Variants in LRRFIP1 observed in about 807,000 individuals in gnomAD.
LRRFIP1 encodes the protein leucine-rich repeat flightless-interacting protein 1.
LRRFIP1 carries 62 observed loss-of-function variants against 104.4 expected under a neutral mutation model. The observed-to-expected ratio is 0.59, with a 90% CI of 0.48 to 0.73. The LOEUF (loss-of-function observed/expected upper bound fraction) is 0.73, where lower values mean the gene tolerates loss of function less well. LRRFIP1 is among the 30% of genes least tolerant of loss of function. The probability of loss-of-function intolerance (pLI) is 0.00; values close to 1 mark genes in which losing one functional copy is unlikely to be tolerated. For synonymous variants in LRRFIP1, 300 were observed against 299.0 expected (o/e 1.00, Z -0.03); for missense variants, 796 against 824.5 (o/e 0.97, Z 0.42).
At position 237,779,740 on chromosome 2, in the gene LRRFIP1, C is replaced by A. The variant is rs948186587; in HGVS notation, c.*208C>A. The A allele has an allele frequency of 2.5e-5, 12 of 470,806 alleles. No homozygotes were observed. Among genetic ancestry groups the A allele is most frequent in the Non-Finnish European group, 4.7e-5 (12 of 257,964 alleles). The allele number at this position is 470,806 out of a possible 1,614,324, so 29.2% of individuals were successfully genotyped here. A position where few individuals can be genotyped will look rare whatever the true frequency, so the allele number is the denominator to read the frequency against. On this transcript the variant is annotated 3_prime_UTR_variant, in exon 24 of 24. Transcript: ENST00000308482. ...TGCCTCTGTCTGCAGACCCCTGGCC[C>A]GGGCTGGCGCCGACGCTCAGAACCT...
chr2:237,765,363 GAGTTCAAGGCT>G lies in LRRFIP1; in HGVS notation c.1460-4579_1460-4569del. On this transcript the variant is annotated intron_variant, in intron 19 of 23. Coordinates refer to ENST00000308482, the MANE Select transcript of LRRFIP1 (RefSeq NM_001137550.2). Reference sequence around the variant, plus strand: ...AGGTGGGAGGATTGCTTGAGGCCAGGAGTTCAAGGCTGCAGTGAGCTATGATTGCACACTGT... The same window carrying G: ...AGGTGGGAGGATTGCTTGAGGCCAGGGCAGTGAGCTATGATTGCACACTGT... 5 of 501,628 alleles carry G rather than the reference GAGTTCAAGGCT, an allele frequency of 1.0e-5. No individual in the cohort carries two copies. The South Asian group carries it at 4.4e-4, about 44-fold the overall frequency. 31.1% of individuals were successfully genotyped at this position (501,628 alleles called of 1,614,324 possible). A position where few individuals can be genotyped will look rare whatever the true frequency, so the allele number is the denominator to read the frequency against.
chr2:237,772,308 T>A, intron 21 of LRRFIP1, 110 bp downstream of exon 21: 1 of 774,374 alleles, frequency 1.3e-6, no homozygotes, highest in Non-Finnish European at 2.2e-6. Flanking sequence ...TTCCCTCACA[T>A]CCCCACAAAA....
chr2:237,660,273 G>T lies in LRRFIP1; in HGVS notation c.96+32533G>T, dbSNP rs574666839. ...AGTCCAAACTTCACACATATTAGAA[G>T]TATTCATTAAAACTACTCTAGGTTA... is the stretch of plus-strand genomic sequence containing the variant. On this transcript the variant is annotated intron_variant, in intron 1 of 23. Transcript: ENST00000308482. 6.6e-5 allele frequency among the ~76,000 whole-genome samples: 10 copies of T among 152,328 alleles called. No individual in the cohort carries two copies. In the South Asian group the frequency reaches 1.0e-3, roughly 16 times the overall value.
At chr2:237,673,435 T>C (rs1027541579) in intron 1 of LRRFIP1, among the ~76,000 whole-genome samples, 17 of 152,320 alleles carry the variant, frequency 1.1e-4, no homozygotes, top group Middle Eastern at 3.4e-3. Context: ...CAGATTCACC[T>C]TCTCCCTGCA....
chr2:237,764,397 A>G, intron 19 of LRRFIP1: 5 of 1,409,254 alleles, frequency 3.5e-6, no homozygotes, highest in Non-Finnish European at 4.6e-6. Context: ...GTATCAAACA[A>G]TAATGTCTAC....
At chr2:237,665,472 A>G (rs552034718) in intron 1 of LRRFIP1, among the ~76,000 whole-genome samples, 1 of 152,354 alleles carries the variant, frequency 6.6e-6, no homozygotes, top group East Asian at 1.9e-4. Context: ...GTTTCCAGAG[A>G]TACCAACAAG....
chr2:237,745,504 T>C (rs1281556417), intron 11 of LRRFIP1, among the ~76,000 whole-genome samples: 1 of 152,200 alleles, frequency 6.6e-6, no homozygotes, highest in Admixed American at 6.5e-5. Flanking sequence ...TGGGGTTTTT[T>C]CCCTTATTTG....
At chr2:237,680,632 A>G (rs187883142) in intron 1 of LRRFIP1, among the ~76,000 whole-genome samples, 286 of 152,362 alleles carry the variant, frequency 1.9e-3, no homozygotes, top group Middle Eastern at 0.01. Flanking sequence ...GGACAACTGC[A>G]TAATGCATTT....
intron 1 of LRRFIP1, among the ~76,000 whole-genome samples, chr2:237,631,027 G>A (rs1385575029): frequency 6.6e-6 from 1 of 152,230 alleles, no homozygotes; most frequent in Non-Finnish European, 1.5e-5. Flanking sequence ...AGTGCCTGTG[G>A]CAAAGGGGGG....
intron 7 of LRRFIP1, among the ~76,000 whole-genome samples, chr2:237,724,596 C>G (rs571877957): frequency 7.9e-5 from 12 of 152,304 alleles, no homozygotes; most frequent in Non-Finnish European, 1.8e-4. Flanking sequence ...TACTTACCTA[C>G]AGAGCACTGC....
At chr2:237,753,790 CAAAAAAAAAA>C (rs749198309) in intron 15 of LRRFIP1, among the ~76,000 whole-genome samples, 1 of 74,778 alleles carries the variant, frequency 1.3e-5, no homozygotes, top group East Asian at 3.4e-4. Context: ...GACACTGTCT[CAAAAAAAAAA>C]AAAAAAAAAG....
At chr2:237,756,830 C>T (rs2059319791) in intron 16 of LRRFIP1, among the ~76,000 whole-genome samples, 1 of 152,164 alleles carries the variant, frequency 6.6e-6, no homozygotes, top group Non-Finnish European at 1.5e-5. Flanking sequence ...GGTTAAAGGG[C>T]CCCTGCAGTT....
chr2:237,681,675 A>ATTATTTTTTT, intron 1 of LRRFIP1, among the ~76,000 whole-genome samples: 3 of 54,638 alleles, frequency 5.5e-5, no homozygotes, highest in East Asian at 1.5e-3. Flanking sequence ...CCGCAGTCCT[A>ATTATTTTTTT]TTCTTTTTTT....
chr2:237,698,646 TTGTC>T (rs1381786706), intron 1 of LRRFIP1, among the ~76,000 whole-genome samples: 5 of 152,234 alleles, frequency 3.3e-5, no homozygotes, highest in South Asian at 2.1e-4. Flanking sequence ...ACTCCATAAT[TTGTC>T]TGAGTTAATT....
chr2:237,761,040 T>A (rs150300529), intron 19 of LRRFIP1, among the ~76,000 whole-genome samples: 1 of 152,228 alleles, frequency 6.6e-6, no homozygotes, highest in Non-Finnish European at 1.5e-5. Context: ...TTCCAGTGTT[T>A]TACAAAGAGG....
chr2:237,651,576 C>T (rs2085941524), intron 1 of LRRFIP1, among the ~76,000 whole-genome samples: 1 of 152,108 alleles, frequency 6.6e-6, no homozygotes, highest in African/African-American at 2.4e-5. Context: ...AGTAGAGCAC[C>T]CTACAGTCTG....
chr2:237,733,057 G>A (rs2095081761), intron 8 of LRRFIP1, among the ~76,000 whole-genome samples: 1 of 152,234 alleles, frequency 6.6e-6, no homozygotes, highest in African/African-American at 2.4e-5. Flanking sequence ...GCTGCTGAGT[G>A]ATCACCGCCT....
At chr2:237,692,383 C>A in intron 1 of LRRFIP1, 1 of 1,397,882 alleles carries the variant, frequency 7.2e-7, no homozygotes, top group South Asian at 1.5e-5. Flanking sequence ...CGCCCCCTGG[C>A]CCGGCCCGCG....
intron 1 of LRRFIP1, among the ~76,000 whole-genome samples, chr2:237,681,703 G>A (rs1393342422): frequency 3.0e-4 from 4 of 13,144 alleles, no homozygotes; most frequent in South Asian, 4.0e-3. Context: ...TTTTTGAGAC[G>A]GAGTCTCGCT....
Sources: allele counts gnomAD v4.1 joint callset (sites outside exome capture counted in the v4.1 genomes callset), GRCh38; gene constraint gnomAD v4.1.1; transcripts MANE v1.5; gene names NCBI Gene and HGNC (gene_info 2026-07-23, HGNC 2026-07-21).